Variants in HCLS1 observed in about 807,000 individuals in gnomAD.
HCLS1 encodes the protein hematopoietic lineage cell-specific protein.
Under a neutral mutation model 68.6 loss-of-function variants are expected in HCLS1, and 44 were observed. The ratio of observed to expected loss-of-function variants is 0.64; its 90% CI spans 0.50 to 0.82. The LOEUF is 0.82. Among genes scored for constraint, HCLS1 ranks in the 40% least tolerant of loss-of-function variants. HCLS1 has a pLI of 0.00. For synonymous variants in HCLS1, 217 were observed against 225.8 expected (o/e 0.96, Z 0.35); for missense variants, 602 against 612.1 (o/e 0.98, Z 0.17).
intron 3 of HCLS1, among the ~76,000 whole-genome samples, chr3:121,652,591 C>T (rs1298370059): frequency 3.9e-5 from 6 of 151,922 alleles, no homozygotes; most frequent in South Asian, 2.1e-4. Flanking sequence ...GAGGCAGAGG[C>T]GGAGGTTTCA....
At chr3:121,645,297 A>C (rs2049236565) in intron 4 of HCLS1, among the ~76,000 whole-genome samples, 1 of 152,156 alleles carries the variant, frequency 6.6e-6, no homozygotes, top group African/African-American at 2.4e-5. Flanking sequence ...AGGAGAGACC[A>C]AGGGGACTGA....
At chr3:121,642,397 A>T (rs142411170) in intron 6 of HCLS1, among the ~76,000 whole-genome samples, 3,025 of 152,122 alleles carry the variant, frequency 0.02, 81 homozygotes, top group African/African-American at 0.068. Context: ...TGAACCCAGG[A>T]CACAGAGCTT....
At chr3:121,647,194 G>T in intron 4 of HCLS1, 125 bp downstream of exon 4, 1 of 892,490 alleles carries the variant, frequency 1.1e-6, no homozygotes, top group Non-Finnish European at 1.7e-6. Context: ...TGTTAGCCAG[G>T]ATGGTCTCGA....
At position 121,631,916 on chromosome 3, in the gene HCLS1, C is replaced by G. The variant is rs377000996; in HGVS notation, c.1391G>C (p.Gly464Ala). ...GCCATGGCAACGTCCCCGCCACCAG[C>G]CCTCGTCCACCATCTCAATGTCAGT... is the stretch of plus-strand genomic sequence containing the variant. ...VITDIEMVDEGWWRGRCHGHF... is the reference protein window; with the variant it reads ...VITDIEMVDEAWWRGRCHGHF... The change falls in exon 14 of 14, where the codon GGC becomes GCC. Residue 464 changes from glycine (G) to alanine (A), a missense_variant. Physicochemically the swap from Gly to Ala is moderately conservative, Grantham distance 60. Transcript: ENST00000314583. 3.7e-6 allele frequency: 6 copies of G among 1,614,204 alleles called. No homozygotes were observed. Among genetic ancestry groups the G allele is most frequent in the Non-Finnish European group, 3.4e-6 (4 of 1,180,016 alleles).
At chr3:121,650,257 A>G (rs953090039) in intron 3 of HCLS1, among the ~76,000 whole-genome samples, 49 of 152,234 alleles carry the variant, frequency 3.2e-4, no homozygotes, top group Non-Finnish European at 5.4e-4. Context: ...AAAATGATCT[A>G]TAGATTCAAT....
rs977490855 is a variant in HCLS1, at chr3:121,634,557, T to C, written c.692-139A>G. Reference sequence around the variant, plus strand: ...GGACAGGATGGTAAAGAGGTATCGATAGAGGAACAAGGGATAATAGGAGGA... The same window carrying C: ...GGACAGGATGGTAAAGAGGTATCGACAGAGGAACAAGGGATAATAGGAGGA... On this transcript the variant is annotated intron_variant, in intron 9 of 13. Coordinates refer to ENST00000314583, the MANE Select transcript of HCLS1 (RefSeq NM_005335.6). 6.7e-5 allele frequency: 52 copies of C among 778,788 alleles called. No homozygotes were observed. The African/African-American group carries it at 7.5e-4, about 11-fold the overall frequency. The allele number at this position is 778,788 out of a possible 1,614,324, so 48.2% of individuals were successfully genotyped here.
chr3:121,638,225 C>T (rs2108858935), intron 6 of HCLS1, among the ~76,000 whole-genome samples: 1 of 152,100 alleles, frequency 6.6e-6, no homozygotes, highest in Non-Finnish European at 1.5e-5. Flanking sequence ...CCATGACTTG[C>T]TAATTTAAAA....
At chr3:121,638,828 A>AAT (rs1343409959) in intron 6 of HCLS1, among the ~76,000 whole-genome samples, 1 of 152,214 alleles carries the variant, frequency 6.6e-6, no homozygotes, top group Non-Finnish European at 1.5e-5. Context: ...TTACATCAGG[A>AAT]GTATGTATGC....
chr3:121,647,182 C>G, intron 4 of HCLS1, 137 bp downstream of exon 4: 1 of 794,662 alleles, frequency 1.3e-6, no homozygotes, highest in Non-Finnish European at 2.0e-6. Context: ...GGGGTTTCAC[C>G]GTGTTAGCCA....
intron 4 of HCLS1, among the ~76,000 whole-genome samples, chr3:121,647,048 C>A (rs1937622064): frequency 6.8e-6 from 1 of 147,216 alleles, no homozygotes. Flanking sequence ...GTGGCATGAT[C>A]TCGGCTCACT....
At chr3:121,635,223 CTCTT>C (rs1468378298) in intron 9 of HCLS1, among the ~76,000 whole-genome samples, 2 of 146,986 alleles carry the variant, frequency 1.4e-5, no homozygotes, top group African/African-American at 2.5e-5. Context: ...CTCTCTCTCT[CTCTT>C]CTCTCCCTTT....
At chr3:121,647,240 C>T in intron 4 of HCLS1, 79 bp downstream of exon 4, 1 of 1,499,790 alleles carries the variant, frequency 6.7e-7, no homozygotes, top group Non-Finnish European at 9.1e-7. Flanking sequence ...CTTGGCCTTC[C>T]AAAGTGCTGG....
At chr3:121,648,583 G>A (rs951828288) in intron 3 of HCLS1, among the ~76,000 whole-genome samples, 1 of 152,190 alleles carries the variant, frequency 6.6e-6, no homozygotes, top group Non-Finnish European at 1.5e-5. Context: ...TAGATGGTGA[G>A]CTGGGACTTT....
At chr3:121,648,524 G>T (rs886840541) in intron 3 of HCLS1, among the ~76,000 whole-genome samples, 7 of 152,248 alleles carry the variant, frequency 4.6e-5, no homozygotes, top group African/African-American at 1.7e-4. Flanking sequence ...TAAGAAATTT[G>T]ACTTTCTGCA....
intron 6 of HCLS1, among the ~76,000 whole-genome samples, chr3:121,639,626 G>T (rs1407064456): frequency 6.6e-6 from 1 of 152,106 alleles, no homozygotes; most frequent in African/African-American, 2.4e-5. Context: ...ATGGCTTGCT[G>T]CAGCCTCAAC....
intron 8 of HCLS1, 92 bp downstream of exon 8, chr3:121,636,342 C>G: frequency 9.4e-7 from 1 of 1,068,724 alleles, no homozygotes; most frequent in Non-Finnish European, 1.5e-6. Context: ...ACCACCGTCC[C>G]CTCCCTCTCC....
chr3:121,647,272 C>CA (rs750854323), intron 4 of HCLS1, 47 bp downstream of exon 4: 44 of 1,604,560 alleles, frequency 2.7e-5, no homozygotes, highest in Non-Finnish European at 3.4e-5. Flanking sequence ...TGAGCCACCG[C>CA]ACCCGGCTTG....
chr3:121,632,633 T>A (rs9815500), intron 11 of HCLS1, 70 bp from the exon 12 acceptor site: 1 of 1,398,668 alleles, frequency 7.1e-7, no homozygotes, highest in South Asian at 1.2e-5. Flanking sequence ...ACTGATAAGA[T>A]CCCCCGCCCT....
intron 8 of HCLS1, 46 bp downstream of exon 8, chr3:121,636,388 A>G: frequency 6.7e-7 from 1 of 1,496,410 alleles, no homozygotes; most frequent in Non-Finnish European, 9.3e-7. Context: ...ACACTTTCCT[A>G]AACTTAGGGA....
Sources: gnomAD v4.1 joint callset for allele counts (sites outside exome capture counted in the v4.1 genomes callset) on GRCh38, gnomAD v4.1.1 for gene constraint, MANE v1.5 for transcripts, NCBI Gene and HGNC (gene_info 2026-07-23, HGNC 2026-07-21) for gene names.